ARID4B: variants seen among roughly 807,000 people sequenced by gnomAD.
The protein encoded by ARID4B is AT-rich interactive domain-containing protein 4B.
Under a neutral mutation model 147.5 loss-of-function variants are expected in ARID4B, and 26 were observed. The observed-to-expected ratio is 0.18, with a 90% confidence interval of 0.13 to 0.24. ARID4B has a LOEUF of 0.24. Among genes scored for constraint, ARID4B ranks in the 10% least tolerant of loss-of-function variants. ARID4B has a pLI of 1.00. For synonymous variants in ARID4B, 512 were observed against 507.9 expected (o/e 1.01, Z -0.11); for missense variants, 1,179 against 1,511.5 (o/e 0.78, Z 3.65).
At chr1:235,208,934 G>C (rs188798227) in intron 17 of ARID4B, among the ~76,000 whole-genome samples, 137 of 151,596 alleles carry the variant, frequency 9.0e-4, no homozygotes, top group African/African-American at 3.0e-3. Context: ...TGGTGACATA[G>C]TAAGTAATAT....
chr1:235,300,518 G>A (rs549921312), intron 2 of ARID4B, among the ~76,000 whole-genome samples: 2 of 152,112 alleles, frequency 1.3e-5, no homozygotes, highest in South Asian at 2.1e-4. Context: ...TCTGTAAACA[G>A]GGAAAATTAA....
At chr1:235,178,963 C>A (rs1449475361) in intron 20 of ARID4B, among the ~76,000 whole-genome samples, 1 of 151,874 alleles carries the variant, frequency 6.6e-6, no homozygotes, top group Non-Finnish European at 1.5e-5. Flanking sequence ...CACCTAATGT[C>A]ATTTTAATAT....
intron 2 of ARID4B, among the ~76,000 whole-genome samples, chr1:235,320,999 G>A (rs985438036): frequency 3.3e-5 from 5 of 151,886 alleles, no homozygotes; most frequent in African/African-American, 9.7e-5. Context: ...TTCTTAACGT[G>A]TGTCCACCAT....
chr1:235,235,054 T>C (rs977647142), intron 8 of ARID4B, among the ~76,000 whole-genome samples: 1 of 152,228 alleles, frequency 6.6e-6, no homozygotes, highest in Admixed American at 6.5e-5. Flanking sequence ...GGTGGTGGCT[T>C]GGATGTAAAG....
chr1:235,326,743 C>T, intron 2 of ARID4B, 171 bp downstream of exon 2: 1 of 764,560 alleles, frequency 1.3e-6, no homozygotes, highest in Non-Finnish European at 2.3e-6. Context: ...TCCAACTCCA[C>T]AGCAAAGCCC....
rs185456707 is a variant in ARID4B at position 235,202,712 on chromosome 1, G to A, written c.1842-6597C>T. Among the ~76,000 whole-genome samples the A allele has an allele frequency of 1.3e-3, 193 of 151,966 alleles. 1 individual carries two copies. Among genetic ancestry groups the A allele is most frequent in the African/African-American group, 4.6e-3 (189 of 41,454 alleles). On this transcript the variant is annotated intron_variant, in intron 17 of 23. Coordinates refer to ENST00000264183, the MANE Select transcript of ARID4B (RefSeq NM_016374.6). Reference sequence around the variant, plus strand: ...TTACAGGTGTGTGCCACCACGTCCAGCTAATTTTTGTATTTTTAGTAGAGA... The same window carrying A: ...TTACAGGTGTGTGCCACCACGTCCAACTAATTTTTGTATTTTTAGTAGAGA...
chr1:235,211,815 T>C (rs16832470), intron 17 of ARID4B, among the ~76,000 whole-genome samples: 1,568 of 152,342 alleles, frequency 0.01, 25 homozygotes, highest in African/African-American at 0.033. Flanking sequence ...TCTACATTTA[T>C]ATTCGGTAAG....
chr1:235,249,653 T>G (rs777694729), intron 6 of ARID4B, among the ~76,000 whole-genome samples: 6 of 151,498 alleles, frequency 4.0e-5, no homozygotes, highest in Non-Finnish European at 8.8e-5. Context: ...AAAAATTAGC[T>G]GGGCGTGGCC....
intron 2 of ARID4B, among the ~76,000 whole-genome samples, chr1:235,312,591 G>A (rs769176759): frequency 1.3e-4 from 20 of 152,078 alleles, no homozygotes; most frequent in Non-Finnish European, 2.1e-4. Context: ...AGCAAAGCAC[G>A]AATAGGTGAC....
Position 235,326,933 on chromosome 1 carries a change from C to T in ARID4B, c.-14G>A. ...TCTTACCTTCATGATGACTCTGGGA[C>T]CAAGGTATCCTCTAAAACACCAGGT... On this transcript the variant is annotated 5_prime_UTR_variant, in exon 2 of 24. Transcript: ENST00000264183. 1 of 1,613,950 alleles carries T rather than the reference C, an allele frequency of 6.2e-7. No homozygotes were observed. The highest frequency in any genetic ancestry group is 8.5e-7 in the Non-Finnish European group (1 of 1,179,842).
chr1:235,247,380 A>T (rs969283461), intron 6 of ARID4B, among the ~76,000 whole-genome samples: 1 of 152,214 alleles, frequency 6.6e-6, no homozygotes, highest in African/African-American at 2.4e-5. Context: ...TAACTTTTTT[A>T]AAATTGAGAC....
rs1008287724 is a variant in ARID4B, at chr1:235,211,876, T to A, written c.1841+1893A>T. On this transcript the variant is annotated intron_variant, in intron 17 of 23. Transcript: ENST00000264183. ...AGAAGTAAAAAATTGGGCAAAATAT[T>A]CTTTTGGTAGCTATATCTGAGATCT... Among the ~76,000 whole-genome samples, 21 of 152,294 alleles carry A rather than the reference T, an allele frequency of 1.4e-4. 1 individual carries two copies. In the East Asian group the frequency reaches 1.5e-3, roughly 11 times the overall value.
At chr1:235,172,829 G>C in intron 22 of ARID4B, 65 bp from the exon 23 acceptor site, 1 of 1,295,788 alleles carries the variant, frequency 7.7e-7, no homozygotes, top group Non-Finnish European at 1.0e-6. Flanking sequence ...AAAAAGGAGA[G>C]AACATCGAGC....
intron 7 of ARID4B, among the ~76,000 whole-genome samples, chr1:235,245,056 T>C (rs1332907817): frequency 6.6e-6 from 1 of 152,148 alleles, no homozygotes; most frequent in Non-Finnish European, 1.5e-5. Context: ...CAAAACAAGA[T>C]TACAGATGGA....
At chr1:235,249,170 T>C (rs4659698) in intron 6 of ARID4B, among the ~76,000 whole-genome samples, 42,907 of 151,524 alleles carry the variant, frequency 0.28, 7,427 homozygotes, top group South Asian at 0.53. Context: ...CCATCTCTAC[T>C]AAAAATACAA....
intron 19 of ARID4B, among the ~76,000 whole-genome samples, chr1:235,189,399 C>CAAA (rs11299121): frequency 2.2e-3 from 128 of 58,870 alleles, no homozygotes; most frequent in African/African-American, 2.5e-3. Context: ...GACTCAGTCT[C>CAAA]AAAAAAAAAA....
At chr1:235,234,820 T>C (rs1234900061) in intron 8 of ARID4B, among the ~76,000 whole-genome samples, 1 of 152,190 alleles carries the variant, frequency 6.6e-6, no homozygotes, top group African/African-American at 2.4e-5. Flanking sequence ...ACTGAAGGGA[T>C]ACATCATGGC....
chr1:235,181,451 A>G, intron 20 of ARID4B, 134 bp downstream of exon 20: 1 of 1,222,166 alleles, frequency 8.2e-7, no homozygotes, highest in Non-Finnish European at 1.1e-6. Context: ...TACCTTTAAA[A>G]TTTCCATTTT....
At chr1:235,311,994 A>C (rs548347910) in intron 2 of ARID4B, among the ~76,000 whole-genome samples, 6 of 152,278 alleles carry the variant, frequency 3.9e-5, no homozygotes, top group African/African-American at 1.4e-4. Flanking sequence ...AGAAGAATGT[A>C]AAAGAAAATT....
Sources: gnomAD v4.1 joint callset for allele counts (sites outside exome capture counted in the v4.1 genomes callset) on GRCh38, gnomAD v4.1.1 for gene constraint, MANE v1.5 for transcripts, NCBI Gene and HGNC (gene_info 2026-07-23, HGNC 2026-07-21) for gene names.